Variants in ABCA10 observed in about 807,000 individuals in gnomAD.
ABCA10 encodes the protein ATP-binding cassette sub-family A member 10.
In ABCA10, 169 loss-of-function variants were observed where a neutral mutation model predicts 187.5. That is an observed-to-expected ratio of 0.90 (90% CI 0.80 to 1.02). The LOEUF is 1.02. Ranked by LOEUF, ABCA10 falls within the 50% of genes least tolerant of loss-of-function variation. The pLI is 0.00. For synonymous variants in ABCA10, 574 were observed against 601.8 expected (o/e 0.95, Z 0.68); for missense variants, 1,727 against 1,812.4 (o/e 0.95, Z 0.86).
At chr17:69,191,371 A>G (rs1301700717) in intron 16 of ABCA10, 56 bp from the exon 17 acceptor site, 3 of 1,416,692 alleles carry the variant, frequency 2.1e-6, no homozygotes, top group South Asian at 3.5e-5. Context: ...ACCACCACTC[A>G]TGAAAAGATA....
At chr17:69,221,750 A>G (rs1443433571) in intron 5 of ABCA10, 42 bp downstream of exon 5, 1 of 1,514,026 alleles carries the variant, frequency 6.6e-7, no homozygotes, top group Non-Finnish European at 9.1e-7. Flanking sequence ...AAAAGAGGGA[A>G]GAATACAGAT....
upstream of ABCA10, among the ~76,000 whole-genome samples, chr17:69,232,239 G>A (rs1412543449): frequency 6.6e-6 from 1 of 151,974 alleles, no homozygotes; most frequent in Non-Finnish European, 1.5e-5. Flanking sequence ...TTATATTCAA[G>A]TTAATTATTG....
intron 1 of ABCA10, among the ~76,000 whole-genome samples, chr17:69,240,547 T>A (rs1188203240): frequency 6.6e-6 from 1 of 152,210 alleles, no homozygotes; most frequent in Non-Finnish European, 1.5e-5. Context: ...GTTTCCAAAC[T>A]AAAGCACTCT....
At chr17:69,207,482 C>T (rs181805790) in intron 9 of ABCA10, among the ~76,000 whole-genome samples, 32 of 152,092 alleles carry the variant, frequency 2.1e-4, no homozygotes, top group African/African-American at 7.5e-4. Flanking sequence ...GATATGAAAA[C>T]AACAAACCCA....
chr17:69,228,231 A>G (rs1200058370), intron 1 of ABCA10, among the ~76,000 whole-genome samples: 1 of 151,932 alleles, frequency 6.6e-6, no homozygotes. Context: ...TAAAAGAACA[A>G]AAGAACACAG....
chr17:69,157,198 C>T (rs1046188736), intron 27 of ABCA10, among the ~76,000 whole-genome samples: 3 of 152,068 alleles, frequency 2.0e-5, no homozygotes, highest in African/African-American at 7.2e-5. Context: ...ATAGTATGGG[C>T]TTTTAAAGCC....
At position 69,192,618 on chromosome 17, in the gene ABCA10, A is replaced by G. The variant is rs762558498; in HGVS notation, c.1816T>C (p.Cys606Arg). 10 of 1,613,546 alleles carry G rather than the reference A, an allele frequency of 6.2e-6. No individual in the cohort carries two copies. The African/African-American group carries it at 1.1e-4, about 17-fold the overall frequency. Residue 606 changes from cysteine to arginine, a missense_variant, in exon 16 of 39, where the codon TGT becomes CGT. Transcript: ENST00000690296. ...TTCAGAAACAAAGATGATCCTGCAC[A>G]TTTCAACTTCCCATTAGACAGAAAT... ...KVFLSNGKLKCAGSSLFLKRK... is the reference protein window; with the variant it reads ...KVFLSNGKLKRAGSSLFLKRK...
intron 26 of ABCA10, among the ~76,000 whole-genome samples, 177 bp downstream of exon 26, chr17:69,164,787 G>A (rs1043813752): frequency 6.6e-6 from 1 of 152,092 alleles, no homozygotes; most frequent in African/African-American, 2.4e-5. Context: ...TATGAATAGT[G>A]ATCTCAGCAA....
At position 69,222,685 on chromosome 17, in the gene ABCA10, A is replaced by G. The variant is rs549258473; in HGVS notation, c.47T>C (p.Ile16Thr). 2.5e-5 allele frequency: 39 copies of G among 1,578,686 alleles called. No individual in the cohort carries two copies. The highest frequency in any genetic ancestry group is 3.2e-5 in the Non-Finnish European group (37 of 1,170,348). ...CATGGTCTCTTCATCTGGTGTCCCA[A>G]TGACTGTTCTTCCTACCATGTATGA... is the stretch of plus-strand genomic sequence containing the variant. ...LASFMKGRTV[I>T]GTPDEETMDI... Residue 16 changes from isoleucine (I) to threonine (T), a missense_variant, in exon 4 of 39, where the codon ATT becomes ACT. Physicochemically the swap from Ile to Thr is moderately conservative, Grantham distance 89. Coordinates refer to ENST00000690296, the MANE Select transcript of ABCA10 (RefSeq NM_001377321.1).
At chr17:69,201,101 C>T (rs982140469) in intron 10 of ABCA10, among the ~76,000 whole-genome samples, 1 of 152,148 alleles carries the variant, frequency 6.6e-6, no homozygotes, top group Non-Finnish European at 1.5e-5. Context: ...GTGAAGAGAC[C>T]TTTTGACTTC....
chr17:69,152,667 G>C (rs191473698), intron 34 of ABCA10, among the ~76,000 whole-genome samples, 186 bp from the exon 35 acceptor site: 1 of 152,160 alleles, frequency 6.6e-6, no homozygotes, highest in Non-Finnish European at 1.5e-5. Context: ...CATGCCTGTG[G>C]TCCCAGCTGC....
intron 22 of ABCA10, among the ~76,000 whole-genome samples, chr17:69,178,272 T>C (rs2144784908): frequency 6.6e-6 from 1 of 152,114 alleles, no homozygotes. Flanking sequence ...AGAGAAGTCA[T>C]GACAGCTTTA....
At chr17:69,196,412 G>A (rs2074503072) in intron 11 of ABCA10, 2 of 179,604 alleles carry the variant, frequency 1.1e-5, no homozygotes, top group Non-Finnish European at 2.3e-5. Flanking sequence ...CATCCCAGAT[G>A]ATGGGCGGCG....
At chr17:69,175,278 A>AT (rs1321309166) in intron 23 of ABCA10, 128 bp downstream of exon 23, 1 of 741,922 alleles carries the variant, frequency 1.3e-6, no homozygotes, top group African/African-American at 1.8e-5. Context: ...CTATACTGAT[A>AT]TTAGATTGTA....
chr17:69,175,685 G>A, intron 22 of ABCA10, 172 bp from the exon 23 acceptor site: 1 of 493,690 alleles, frequency 2.0e-6, no homozygotes, highest in Non-Finnish European at 3.6e-6. Context: ...TCCATTCCCA[G>A]GAACAGCATG....
rs1257435605 is a variant in ABCA10 at position 69,148,581 on chromosome 17, A to C, written c.*246T>G. 1 of 361,428 alleles carries C rather than the reference A, an allele frequency of 2.8e-6. No homozygotes were observed. Among genetic ancestry groups the C allele is most frequent in the Non-Finnish European group, 5.0e-6 (1 of 201,116 alleles). The allele number at this position is 361,428 out of a possible 1,614,324, so 22.4% of individuals were successfully genotyped here. A position where few individuals can be genotyped will look rare whatever the true frequency, so the allele number is the denominator to read the frequency against. On this transcript the variant is annotated 3_prime_UTR_variant, in exon 39 of 39. Transcript: ENST00000690296. Reference sequence around the variant, plus strand: ...ATTGTATGATTTTTAAATTATTTTTAAGCACAAAATAGACCCATGTTGGGG... The same window carrying C: ...ATTGTATGATTTTTAAATTATTTTTCAGCACAAAATAGACCCATGTTGGGG...
chr17:69,194,054 T>C (rs558826459), intron 12 of ABCA10, 65 bp from the exon 13 acceptor site: 2 of 1,408,952 alleles, frequency 1.4e-6, no homozygotes, highest in African/African-American at 1.5e-5. Context: ...TGATAATATA[T>C]GTTAGTATTT....
intron 10 of ABCA10, among the ~76,000 whole-genome samples, 173 bp from the exon 11 acceptor site, chr17:69,197,295 G>C (rs2074513222): frequency 6.6e-6 from 1 of 151,480 alleles, no homozygotes; most frequent in Non-Finnish European, 1.5e-5. Flanking sequence ...GATTTACACA[G>C]ACCTGCTAAT....
chr17:69,152,293 G>C, intron 35 of ABCA10, 69 bp downstream of exon 35: 2 of 1,582,044 alleles, frequency 1.3e-6, no homozygotes, highest in Non-Finnish European at 1.7e-6. Context: ...AGCATCAGCT[G>C]TTCATAGCAA....
Sources: gnomAD v4.1 joint callset for allele counts (sites outside exome capture counted in the v4.1 genomes callset) on GRCh38, gnomAD v4.1.1 for gene constraint, MANE v1.5 for transcripts, NCBI Gene and HGNC (gene_info 2026-07-23, HGNC 2026-07-21) for gene names.